GALNT18: variants seen among roughly 807,000 people sequenced by gnomAD.
GALNT18 encodes polypeptide N-acetylgalactosaminyltransferase 18.
Under a neutral mutation model 69.5 loss-of-function variants are expected in GALNT18, and 44 were observed. The observed-to-expected ratio is 0.63, with a 90% CI of 0.50 to 0.81. The LOEUF (loss-of-function observed/expected upper bound fraction) is 0.81. Among genes scored for constraint, GALNT18 ranks in the 40% least tolerant of loss-of-function variants. The probability of loss-of-function intolerance (pLI) is 0.00; values close to 1 mark genes in which losing one functional copy is unlikely to be tolerated. For synonymous variants in GALNT18, 364 were observed against 318.2 expected (o/e 1.14, Z -1.53); for missense variants, 715 against 810.0 (o/e 0.88, Z 1.42).
chr11:11,272,097 G>A (rs907584674), intron 10 of GALNT18, among the ~76,000 whole-genome samples: 1 of 152,180 alleles, frequency 6.6e-6, no homozygotes, highest in East Asian at 1.9e-4. Flanking sequence ...TTGGTGGGTG[G>A]AGGTTCTTAT....
At chr11:11,507,288 A>G (rs1276336942) in intron 1 of GALNT18, among the ~76,000 whole-genome samples, 6 of 152,252 alleles carry the variant, frequency 3.9e-5, no homozygotes, top group African/African-American at 1.4e-4. Flanking sequence ...AGGAATATTT[A>G]ATTATCATAA....
intron 2 of GALNT18, among the ~76,000 whole-genome samples, chr11:11,447,715 G>C (rs1855690489): frequency 6.6e-6 from 1 of 152,140 alleles, no homozygotes; most frequent in Non-Finnish European, 1.5e-5. Context: ...AAAACCATCA[G>C]ATCTCATGAG....
At chr11:11,447,583 T>C (rs1223915319) in intron 2 of GALNT18, among the ~76,000 whole-genome samples, 1 of 152,184 alleles carries the variant, frequency 6.6e-6, no homozygotes, top group Admixed American at 6.5e-5. Context: ...GAGGTTCAAT[T>C]GACTCACAGT....
At position 11,574,339 on chromosome 11, in the gene GALNT18, C is replaced by A. The variant is rs538636539; in HGVS notation, c.235+47020G>T. 3.9e-5 allele frequency among the ~76,000 whole-genome samples: 6 copies of A among 152,316 alleles called. No individual in the cohort carries two copies. The East Asian group carries it at 9.6e-4, about 24-fold the overall frequency. On this transcript the variant is annotated intron_variant, in intron 1 of 10. Coordinates refer to ENST00000227756, the MANE Select transcript of GALNT18 (RefSeq NM_198516.3). ...CAGACCAGAAATCTGGTCAAATCTG[C>A]TCCCTAGACTGGGGGAGTAGAGAAC... is the stretch of plus-strand genomic sequence containing the variant.
intron 9 of GALNT18, among the ~76,000 whole-genome samples, chr11:11,303,009 CT>C (rs1459044159): frequency 6.6e-6 from 1 of 152,226 alleles, no homozygotes; most frequent in Non-Finnish European, 1.5e-5. Flanking sequence ...ATCCCATTCA[CT>C]TTGACAGCAT....
rs1198081341 is a variant in GALNT18 at position 11,320,746 on chromosome 11, C to T, written c.1512+6340G>A. Among the ~76,000 whole-genome samples, 1 of 152,218 alleles carries T rather than the reference C, an allele frequency of 6.6e-6. No individual in the cohort carries two copies. The highest frequency in any genetic ancestry group is 2.4e-5 in the African/African-American group (1 of 41,456). ...TCATGGGTGGATGTAGGAGCTCAGG[C>T]TGGGAATACCCAGCCCGTCCCCAGG... On this transcript the variant is annotated intron_variant, in intron 9 of 10. Transcript: ENST00000227756. This position sits in a 1 kb window ranked among gnomAD's most constrained non-coding sequence, Gnocchi z 4.9.
intron 5 of GALNT18, among the ~76,000 whole-genome samples, chr11:11,373,848 G>A (rs1453560296): frequency 2.6e-5 from 4 of 152,232 alleles, no homozygotes; most frequent in Non-Finnish European, 5.9e-5. Flanking sequence ...ACCATTTCTA[G>A]CCCTTGCCTG....
chr11:11,533,767 A>T (rs554029809), intron 1 of GALNT18, among the ~76,000 whole-genome samples: 1 of 152,240 alleles, frequency 6.6e-6, no homozygotes, highest in Admixed American at 6.5e-5. Context: ...GCCCTGGTGC[A>T]TGTCTGTGTA....
rs578223135 is a variant in GALNT18, at chr11:11,341,520, C to T, written c.1093-516G>A. ...CTTCTTCTAGTGCATCTTTCCGAGG[C>T]TCTGGGTTCTGACTGAATCTGAGGG... On this transcript the variant is annotated intron_variant, in intron 6 of 10. Transcript: ENST00000227756. The surrounding 1 kb of genome is among the most constrained non-coding windows in gnomAD (Gnocchi z 6.3). Among the ~76,000 whole-genome samples, 15 of 152,294 alleles carry T rather than the reference C, an allele frequency of 9.8e-5. No homozygotes were observed. Among genetic ancestry groups the T allele is most frequent in the African/African-American group, 3.4e-4 (14 of 41,568 alleles).
intron 1 of GALNT18, among the ~76,000 whole-genome samples, chr11:11,503,643 A>T (rs373089972): frequency 2.2e-4 from 33 of 152,236 alleles, no homozygotes; most frequent in East Asian, 5.8e-4. Flanking sequence ...TTTGACAGTA[A>T]GAAAAGATTT....
At chr11:11,446,894 A>T (rs180996634) in intron 2 of GALNT18, among the ~76,000 whole-genome samples, 20 of 152,262 alleles carry the variant, frequency 1.3e-4, no homozygotes, top group Admixed American at 3.3e-4. Context: ...TGCACATCGG[A>T]ATCACCCAGG....
At chr11:11,363,588 G>A (rs567086066) in intron 6 of GALNT18, among the ~76,000 whole-genome samples, 555 of 152,276 alleles carry the variant, frequency 3.6e-3, no homozygotes, top group African/African-American at 0.013. Flanking sequence ...AAATATGGAT[G>A]TAAAATTGAT....
rs1859262481 is a variant in GALNT18, at chr11:11,587,840, A to G, written c.235+33519T>C. Among the ~76,000 whole-genome samples, 1 of 151,914 alleles carries G rather than the reference A, an allele frequency of 6.6e-6. No individual in the cohort carries two copies. On this transcript the variant is annotated intron_variant, in intron 1 of 10. Coordinates refer to ENST00000227756, the MANE Select transcript of GALNT18 (RefSeq NM_198516.3). This position sits in a 1 kb window ranked among gnomAD's most constrained non-coding sequence, Gnocchi z 4.4. ...ATTTCATGAACCTCTTCTATGGTCC[A>G]AAGAATAATAAGAACACAAAATATA...
intron 10 of GALNT18, among the ~76,000 whole-genome samples, chr11:11,284,906 G>GTTTT (rs1360585413): frequency 8.1e-5 from 2 of 24,542 alleles, no homozygotes; most frequent in African/African-American, 4.7e-4. Flanking sequence ...AAAGACTTTC[G>GTTTT]TGTTTTTTTT....
chr11:11,333,114 G>T (rs902724902), intron 7 of GALNT18, among the ~76,000 whole-genome samples: 1 of 151,146 alleles, frequency 6.6e-6, no homozygotes. Context: ...GCTATAGTCT[G>T]GGTGTAGATG....
chr11:11,316,169 T>C (rs957266840), intron 9 of GALNT18, among the ~76,000 whole-genome samples: 1 of 152,196 alleles, frequency 6.6e-6, no homozygotes, highest in African/African-American at 2.4e-5. Flanking sequence ...AGCAGACACC[T>C]GAGCAATGAA....
chr11:11,285,009 C>T (rs1244134807), intron 10 of GALNT18, among the ~76,000 whole-genome samples: 1 of 145,118 alleles, frequency 6.9e-6, no homozygotes, highest in African/African-American at 2.6e-5. Context: ...GTGAAGGGCC[C>T]CTTGGACTGA....
At position 11,583,004 on chromosome 11, in the gene GALNT18, C is replaced by CA. The variant is rs199722681; in HGVS notation, c.235+38354dup. Among the ~76,000 whole-genome samples, 1,776 of 152,260 alleles carry CA rather than the reference C, an allele frequency of 0.012. 40 individuals are homozygous for CA. Among genetic ancestry groups the CA allele is most frequent in the African/African-American group, 0.041 (1,688 of 41,528 alleles). The stretch of plus-strand genomic sequence containing the variant: ...TATCCCCCATGCTATTTTTATATCC[C>CA]AAAATGAGAGGCATGGGACTCTAAG... On this transcript the variant is annotated intron_variant, in intron 1 of 10. Transcript: ENST00000227756. The surrounding 1 kb of genome is among the most constrained non-coding windows in gnomAD (Gnocchi z 4.7).
At position 11,352,893 on chromosome 11, in the gene GALNT18, T is replaced by C. The variant is rs751470342; in HGVS notation, c.1093-11889A>G. 29 of 1,614,094 alleles carry C rather than the reference T, an allele frequency of 1.8e-5. No individual in the cohort carries two copies. The Middle Eastern group carries it at 1.5e-3, about 82-fold the overall frequency. On this transcript the variant is annotated intron_variant, in intron 6 of 10. Coordinates refer to ENST00000227756, the MANE Select transcript of GALNT18 (RefSeq NM_198516.3). ...AATCTTTATTTCACGCTTAATTTTC[T>C]TCTTTTTTACTGGCTTGAGAATTTT...
Sources: gnomAD v4.1 joint callset for allele counts (sites outside exome capture counted in the v4.1 genomes callset) on GRCh38, gnomAD v4.1.1 for gene constraint, Gnocchi (gnomAD v3.1) non-coding constraint, MANE v1.5 for transcripts, NCBI Gene and HGNC (gene_info 2026-07-23, HGNC 2026-07-21) for gene names.